FSTL4: variants seen among roughly 807,000 people sequenced by gnomAD.
FSTL4 encodes the protein follistatin like 4.
A neutral mutation model predicts 78.2 loss-of-function variants in FSTL4; 28 were observed. The observed-to-expected ratio is 0.36, with a 90% confidence interval of 0.27 to 0.49. The LOEUF is 0.49. Ranked by LOEUF, FSTL4 falls within the 20% of genes least tolerant of loss-of-function variation. FSTL4 has a pLI of 0.98. For missense variants in FSTL4, 922 were observed against 1,084.9 expected, an observed-to-expected ratio of 0.85 and a Z score of 2.11; for synonymous variants, 422 against 440.5, an observed-to-expected ratio of 0.96 and a Z score of 0.53.
chr5:133,719,003 T>C, the FSTL4 span, among the ~76,000 whole-genome samples: 2 of 152,242 alleles, frequency 1.3e-5, no homozygotes, highest in African/African-American at 4.8e-5. Flanking sequence ...TTATGATAGA[T>C]ATAAAAATAT....
chr5:133,629,830 G>A, the FSTL4 span, among the ~76,000 whole-genome samples: 1 of 152,204 alleles, frequency 6.6e-6, no homozygotes, highest in Non-Finnish European at 1.5e-5. Flanking sequence ...TGGGATGCAA[G>A]GCTGGTTCAA....
chr5:133,734,600 G>A, the FSTL4 span, among the ~76,000 whole-genome samples: 1 of 152,176 alleles, frequency 6.6e-6, no homozygotes, highest in East Asian at 1.9e-4. Context: ...CTCTACATCT[G>A]TGTATGTTTG....
chr5:133,839,179 T>C, the FSTL4 span, among the ~76,000 whole-genome samples: 2 of 152,316 alleles, frequency 1.3e-5, no homozygotes, highest in Admixed American at 1.3e-4. Flanking sequence ...TTTGGCACCA[T>C]TTCAGCAAAG....
At chr5:133,653,313 C>T in the FSTL4 span, among the ~76,000 whole-genome samples, 1 of 152,196 alleles carries the variant, frequency 6.6e-6, no homozygotes, top group East Asian at 1.9e-4. Flanking sequence ...TCCCTGGGGC[C>T]TCATCTCCTC....
chr5:133,350,470 A>G (rs1754799689), intron 4 of FSTL4, among the ~76,000 whole-genome samples: 1 of 151,872 alleles, frequency 6.6e-6, no homozygotes, highest in African/African-American at 2.4e-5. Flanking sequence ...AGGGTTGACT[A>G]CCTCCCCTGG....
intron 4 of FSTL4, among the ~76,000 whole-genome samples, chr5:133,395,158 G>A (rs546467052): frequency 8.5e-5 from 13 of 152,306 alleles, no homozygotes; most frequent in Non-Finnish European, 1.8e-4. Context: ...GGCTGCCCCA[G>A]CCAGCAGTGG....
chr5:133,568,633 G>T (rs188276554), intron 2 of FSTL4, among the ~76,000 whole-genome samples: 3 of 152,278 alleles, frequency 2.0e-5, no homozygotes, highest in African/African-American at 7.2e-5. Context: ...ATCAGGTAAG[G>T]GTTCAGAGGA....
the FSTL4 span, among the ~76,000 whole-genome samples, chr5:133,638,832 A>G: frequency 1.5e-3 from 228 of 151,258 alleles, no homozygotes; most frequent in Non-Finnish European, 2.9e-3. Flanking sequence ...TTTTTCACTT[A>G]AAAGTATATC....
the FSTL4 span, among the ~76,000 whole-genome samples, chr5:133,778,341 TA>T: frequency 0.14 from 21,017 of 148,550 alleles, 1,671 homozygotes; most frequent in Middle Eastern, 0.29. Flanking sequence ...GTGTTTCCTC[TA>T]AAAAAAAAAA....
At chr5:133,841,027 C>T in the FSTL4 span, among the ~76,000 whole-genome samples, 1 of 152,248 alleles carries the variant, frequency 6.6e-6, no homozygotes, top group Non-Finnish European at 1.5e-5. Context: ...GTACCACTGA[C>T]ACCTTGCCAC....
chr5:133,784,775 C>A, the FSTL4 span, among the ~76,000 whole-genome samples: 1 of 151,580 alleles, frequency 6.6e-6, no homozygotes, highest in Non-Finnish European at 1.5e-5. Flanking sequence ...TGTTTTGGCA[C>A]AAAGTTTGTT....
chr5:133,783,114 C>G, the FSTL4 span, among the ~76,000 whole-genome samples: 1 of 152,222 alleles, frequency 6.6e-6, no homozygotes, highest in Non-Finnish European at 1.5e-5. Flanking sequence ...CTTGAGGTGA[C>G]AGAACCCAAG....
chr5:133,826,398 C>T, the FSTL4 span, among the ~76,000 whole-genome samples: 1 of 152,230 alleles, frequency 6.6e-6, no homozygotes, highest in Non-Finnish European at 1.5e-5. Flanking sequence ...AGAAATGATT[C>T]TCCCACAGTT....
intron 3 of FSTL4, among the ~76,000 whole-genome samples, chr5:133,499,218 T>G (rs1016529563): frequency 6.6e-6 from 1 of 152,100 alleles, no homozygotes; most frequent in Non-Finnish European, 1.5e-5. Flanking sequence ...ACGCCATCCC[T>G]GTCTAATGTC....
the FSTL4 span, among the ~76,000 whole-genome samples, chr5:133,820,289 G>C: frequency 3.3e-5 from 5 of 152,196 alleles, no homozygotes; most frequent in Non-Finnish European, 4.4e-5. Context: ...GTTTCAACAA[G>C]ATGTGCCTTT....
At chr5:133,816,565 C>T in the FSTL4 span, among the ~76,000 whole-genome samples, 1 of 152,084 alleles carries the variant, frequency 6.6e-6, no homozygotes, top group South Asian at 2.1e-4. Context: ...CCCAGATAAC[C>T]CCCAGGTGAG....
chr5:133,293,613 C>G (rs1162778597), intron 6 of FSTL4, among the ~76,000 whole-genome samples: 1 of 152,092 alleles, frequency 6.6e-6, no homozygotes, highest in Non-Finnish European at 1.5e-5. Context: ...AAGGGCTTTG[C>G]TGGGCTCCAA....
At chr5:133,481,741 C>T (rs1758032513) in intron 3 of FSTL4, among the ~76,000 whole-genome samples, 1 of 152,124 alleles carries the variant, frequency 6.6e-6, no homozygotes, top group Non-Finnish European at 1.5e-5. Flanking sequence ...CTACATGGAG[C>T]TTACAGTCTG....
the FSTL4 span, among the ~76,000 whole-genome samples, chr5:133,779,847 G>C: frequency 6.6e-6 from 1 of 152,206 alleles, no homozygotes; most frequent in Non-Finnish European, 1.5e-5. Flanking sequence ...TTTCCCAGAA[G>C]AAGAACCTGA....
Sources: gnomAD v4.1 joint callset for allele counts (sites outside exome capture counted in the v4.1 genomes callset) on GRCh38, gnomAD v4.1.1 for gene constraint, MANE v1.5 for transcripts, NCBI Gene and HGNC (gene_info 2026-07-23, HGNC 2026-07-21) for gene names.